The following DPY19L1 variants were observed in gnomAD, a reference collection of about 807,000 sequenced individuals.
The protein encoded by DPY19L1 is dpy-19 like C-mannosyltransferase 1.
A neutral mutation model predicts 96.9 loss-of-function variants in DPY19L1; 35 were observed. The ratio of observed to expected loss-of-function variants is 0.36; its 90% confidence interval spans 0.28 to 0.48. The LOEUF (loss-of-function observed/expected upper bound fraction) is 0.48. Among genes scored for constraint, DPY19L1 ranks in the 20% least tolerant of loss-of-function variants. The pLI is 0.99. For missense variants in DPY19L1, 521 were observed against 777.9 expected (o/e 0.67, Z 3.93); for synonymous variants, 205 against 252.6 (o/e 0.81, Z 1.79).
intron 6 of DPY19L1, among the ~76,000 whole-genome samples, chr7:34,990,962 G>A (rs2128672438): frequency 6.6e-6 from 1 of 152,334 alleles, no homozygotes; most frequent in East Asian, 1.9e-4. Flanking sequence ...AGGAAAAGAG[G>A]AAGAGATGCA....
chr7:34,979,834 T>C (rs193144280), intron 7 of DPY19L1, among the ~76,000 whole-genome samples: 12 of 152,282 alleles, frequency 7.9e-5, no homozygotes, highest in Admixed American at 7.2e-4. Flanking sequence ...GGAATGTCCA[T>C]TCTAAATTAA....
chr7:34,975,527 G>A lies in DPY19L1; in HGVS notation c.823-1922C>T, dbSNP rs1258904022. ...TAAAAGTACAAGGTACAACAGCAATGCTGATGTAGACGCTGCAAGTTATCC... is the reference window on the plus strand; with the variant it reads ...TAAAAGTACAAGGTACAACAGCAATACTGATGTAGACGCTGCAAGTTATCC... On this transcript the variant is annotated intron_variant, in intron 7 of 21. Transcript: ENST00000638088. Among the ~76,000 whole-genome samples the A allele has an allele frequency of 3.3e-5, 5 of 152,188 alleles. No individual in the cohort carries two copies. In the South Asian group the frequency reaches 1.0e-3, roughly 32 times the overall value.
chr7:34,930,068 AG>A lies in DPY19L1; in HGVS notation c.*1504del, dbSNP rs1347499305. 1 of 152,324 alleles carries A rather than the reference AG, an allele frequency of 6.6e-6. No individual in the cohort carries two copies. The highest frequency in any genetic ancestry group is 1.5e-5 in the Non-Finnish European group (1 of 68,104). The allele number at this position is 152,324 out of a possible 1,614,324, so 9.4% of individuals were successfully genotyped here. On this transcript the variant is annotated 3_prime_UTR_variant, in exon 22 of 22. Transcript: ENST00000638088. ...CTTGGGCTCTGGTAAGAAGGTAGAA[AG>A]GGAACAGCGGCTTCCAGGAGTGGGC...
At chr7:34,979,570 T>G (rs969157532) in intron 7 of DPY19L1, among the ~76,000 whole-genome samples, 2 of 152,122 alleles carry the variant, frequency 1.3e-5, no homozygotes, top group East Asian at 3.8e-4. Context: ...GGATTGTTAT[T>G]GGTAATGACA....
intron 16 of DPY19L1, among the ~76,000 whole-genome samples, chr7:34,945,239 T>G (rs965430091): frequency 1.5e-4 from 21 of 143,954 alleles, no homozygotes; most frequent in African/African-American, 5.0e-4. Flanking sequence ...TAATTTTGGG[T>G]TTTTTTTTTC....
chr7:34,988,987 T>C (rs1167948337), intron 7 of DPY19L1, among the ~76,000 whole-genome samples: 1 of 152,180 alleles, frequency 6.6e-6, no homozygotes, highest in Admixed American at 6.5e-5. Flanking sequence ...GTAACATCAT[T>C]ATGCCCATTT....
chr7:34,939,210 G>T, intron 20 of DPY19L1, 66 bp downstream of exon 20: 1 of 1,365,564 alleles, frequency 7.3e-7, no homozygotes, highest in Non-Finnish European at 1.0e-6. Flanking sequence ...TACTTTGCTG[G>T]TGTCCTCCAC....
intron 1 of DPY19L1, 105 bp downstream of exon 1, chr7:35,036,992 G>T (rs76171601): frequency 6.8e-6 from 1 of 146,508 alleles, no homozygotes; most frequent in Non-Finnish European, 1.5e-5. Flanking sequence ...GGCTCGGCGC[G>T]GCGGAAGCGG....
At chr7:35,022,790 A>ACAT (rs1554363177) in intron 1 of DPY19L1, among the ~76,000 whole-genome samples, 2 of 151,986 alleles carry the variant, frequency 1.3e-5, no homozygotes, top group Non-Finnish European at 2.9e-5. Flanking sequence ...ACACACACAC[A>ACAT]CATCATCCTT....
intron 19 of DPY19L1, 122 bp downstream of exon 19, chr7:34,940,031 C>G: frequency 1.2e-6 from 1 of 858,862 alleles, no homozygotes; most frequent in Non-Finnish European, 1.6e-6. Flanking sequence ...CTAAAAGCAA[C>G]ATTGCATAGA....
intron 1 of DPY19L1, among the ~76,000 whole-genome samples, chr7:35,021,897 C>T (rs7779894): frequency 0.27 from 41,242 of 151,956 alleles, 5,737 homozygotes; most frequent in Non-Finnish European, 0.31. Context: ...TTTATAGAGG[C>T]TATTAATTTT....
Position 34,984,407 on chromosome 7 carries a change from G to A in DPY19L1, c.822+5477C>T, listed in dbSNP as rs994198139. 5.3e-5 allele frequency among the ~76,000 whole-genome samples: 8 copies of A among 152,210 alleles called. No individual in the cohort carries two copies. The East Asian group carries it at 9.7e-4, about 18-fold the overall frequency. ...GGAAGGAAAAGGAATAGTCCTTTCT[G>A]GAAACAGAAGAAAGAAGGGCCAATA... On this transcript the variant is annotated intron_variant, in intron 7 of 21. Transcript: ENST00000638088.
At chr7:34,940,079 T>C (rs1379946722) in intron 19 of DPY19L1, 74 bp downstream of exon 19, 13 of 1,320,550 alleles carry the variant, frequency 9.8e-6, no homozygotes, top group Non-Finnish European at 2.0e-6. Flanking sequence ...GGTTTAAGAG[T>C]TTGCAGTGGT....
intron 8 of DPY19L1, among the ~76,000 whole-genome samples, chr7:34,970,235 T>C (rs771955402): frequency 5.3e-5 from 8 of 152,164 alleles, no homozygotes; most frequent in Non-Finnish European, 7.3e-5. Flanking sequence ...GCAGCTCAGA[T>C]ACAGTAAAGA....
chr7:34,995,165 T>G (rs1011491280), intron 6 of DPY19L1, among the ~76,000 whole-genome samples: 1 of 152,156 alleles, frequency 6.6e-6, no homozygotes, highest in African/African-American at 2.4e-5. Flanking sequence ...TCTAAAATGG[T>G]GTTCTCCATG....
At chr7:34,998,659 G>A (rs1431021627) in intron 6 of DPY19L1, among the ~76,000 whole-genome samples, 1 of 152,082 alleles carries the variant, frequency 6.6e-6, no homozygotes, top group Non-Finnish European at 1.5e-5. Flanking sequence ...AAGGAGCCTG[G>A]GTCTCCCCAA....
At chr7:35,006,097 A>G (rs1170576322) in intron 6 of DPY19L1, among the ~76,000 whole-genome samples, 2 of 152,218 alleles carry the variant, frequency 1.3e-5, no homozygotes, top group African/African-American at 4.8e-5. Context: ...TTTTCAAAAG[A>G]GAAAGAAAAA....
At chr7:34,946,720 G>A (rs1364152731) in intron 15 of DPY19L1, among the ~76,000 whole-genome samples, 1 of 152,180 alleles carries the variant, frequency 6.6e-6, no homozygotes, top group Non-Finnish European at 1.5e-5. Context: ...ATAGGGGAAG[G>A]TGCAGAGCCC....
chr7:35,028,604 A>G (rs1486361221), intron 1 of DPY19L1, among the ~76,000 whole-genome samples: 2 of 152,242 alleles, frequency 1.3e-5, no homozygotes, highest in Non-Finnish European at 2.9e-5. Context: ...ACTACAAGAC[A>G]GAGTTCTTAG....
Sources: allele counts gnomAD v4.1 joint callset (sites outside exome capture counted in the v4.1 genomes callset), GRCh38; gene constraint gnomAD v4.1.1; transcripts MANE v1.5; gene names NCBI Gene and HGNC (gene_info 2026-07-23, HGNC 2026-07-21).